The following PRKD1 variants were observed in gnomAD, a reference collection of about 807,000 sequenced individuals.
The protein encoded by PRKD1 is protein kinase D1.
In PRKD1, 63 loss-of-function variants were observed where a neutral mutation model predicts 95.9. The ratio of observed to expected loss-of-function variants is 0.66; its 90% CI spans 0.54 to 0.81. The LOEUF (loss-of-function observed/expected upper bound fraction) is 0.81. Among genes scored for constraint, PRKD1 ranks in the 30% least tolerant of loss-of-function variants. The pLI is 0.00. For missense variants in PRKD1, 1,048 were observed against 1,165.3 expected (o/e 0.90, Z 1.47); for synonymous variants, 425 against 423.1 (o/e 1.00, Z -0.05).
intron 15 of PRKD1, among the ~76,000 whole-genome samples, 180 bp from the exon 16 acceptor site, chr14:29,597,938 T>A (rs757673188): frequency 6.6e-6 from 1 of 152,210 alleles, no homozygotes; most frequent in African/African-American, 2.4e-5. Context: ...GTGGTTTATG[T>A]AGTGATACAA....
At chr14:29,713,288 G>T (rs562469737) in intron 2 of PRKD1, among the ~76,000 whole-genome samples, 8 of 152,120 alleles carry the variant, frequency 5.3e-5, no homozygotes, top group Non-Finnish European at 8.8e-5. Flanking sequence ...GACCTTCATT[G>T]ACCAATCCTG....
intron 2 of PRKD1, among the ~76,000 whole-genome samples, chr14:29,717,329 G>A (rs1020488088): frequency 2.6e-5 from 4 of 152,126 alleles, no homozygotes; most frequent in African/African-American, 9.7e-5. Context: ...CAACCATCTT[G>A]TGAAATGCTT....
intron 1 of PRKD1, among the ~76,000 whole-genome samples, chr14:29,855,018 C>A (rs982028471): frequency 6.6e-6 from 1 of 152,200 alleles, no homozygotes; most frequent in African/African-American, 2.4e-5. Context: ...GATGCCCAGG[C>A]AGAAGTTTGC....
At chr14:29,924,585 C>T (rs1279321309) in intron 1 of PRKD1, among the ~76,000 whole-genome samples, 2 of 152,158 alleles carry the variant, frequency 1.3e-5, no homozygotes, top group Non-Finnish European at 2.9e-5. Context: ...ACATTTAAAA[C>T]AACAGATGTG....
chr14:29,755,014 T>C (rs1887631907), intron 1 of PRKD1, among the ~76,000 whole-genome samples: 1 of 152,140 alleles, frequency 6.6e-6, no homozygotes, highest in Non-Finnish European at 1.5e-5. Flanking sequence ...TTCAATTATG[T>C]TAATTCCTAC....
chr14:29,886,237 T>C (rs1893701687), intron 1 of PRKD1, among the ~76,000 whole-genome samples: 1 of 152,214 alleles, frequency 6.6e-6, no homozygotes, highest in Non-Finnish European at 1.5e-5. Flanking sequence ...ATTAATACTG[T>C]AGAAATCAAC....
At chr14:29,786,218 T>A (rs1359327753) in intron 1 of PRKD1, among the ~76,000 whole-genome samples, 4 of 152,216 alleles carry the variant, frequency 2.6e-5, no homozygotes, top group Admixed American at 6.5e-5. Context: ...GATTATCTTA[T>A]TGATGTGCTG....
At chr14:29,720,520 G>A (rs756019142) in intron 2 of PRKD1, among the ~76,000 whole-genome samples, 11 of 151,926 alleles carry the variant, frequency 7.2e-5, no homozygotes, top group East Asian at 1.9e-4. Flanking sequence ...GGTGGCTCAC[G>A]CCTGTAATCC....
At chr14:29,750,784 T>A (rs551460310) in intron 1 of PRKD1, among the ~76,000 whole-genome samples, 1 of 152,284 alleles carries the variant, frequency 6.6e-6, no homozygotes, top group South Asian at 2.1e-4. Context: ...TCCCTCAAAA[T>A]TACAATGAAA....
chr14:29,582,809 G>A (rs1357704084), intron 16 of PRKD1, among the ~76,000 whole-genome samples: 1 of 152,166 alleles, frequency 6.6e-6, no homozygotes, highest in Admixed American at 6.5e-5. Flanking sequence ...TCAGAATTTA[G>A]ATCTAGAGTG....
At chr14:29,711,503 A>G (rs1885332408) in intron 2 of PRKD1, among the ~76,000 whole-genome samples, 1 of 152,194 alleles carries the variant, frequency 6.6e-6, no homozygotes, top group South Asian at 2.1e-4. Flanking sequence ...AAACCACTAC[A>G]TGTAATATGA....
chr14:29,599,096 A>T lies in PRKD1; in HGVS notation c.2097T>A (p.Phe699Leu). The T allele has an allele frequency of 6.2e-7, 1 of 1,613,802 alleles. No homozygotes were observed. Among genetic ancestry groups the T allele is most frequent in the Non-Finnish European group, 8.5e-7 (1 of 1,179,764 alleles). The change falls in exon 15 of 18, where the codon TTT (phenylalanine) becomes TTA (leucine). Residue 699 changes from phenylalanine (F) to leucine (L), a missense_variant. Coordinates refer to ENST00000331968, the MANE Select transcript of PRKD1 (RefSeq NM_002742.3). Reference sequence around the variant, plus strand: ...TGAGGTCACAGTGAACGATATTTTTAAAATGAAGGTGCCGCAAAGCCACGA... The same window carrying T: ...TGAGGTCACAGTGAACGATATTTTTTAAATGAAGGTGCCGCAAAGCCACGA... Reference protein sequence around the residue: ...QILVALRHLHFKNIVHCDLKP... With the variant: ...QILVALRHLHLKNIVHCDLKP...
chr14:29,826,838 TAC>T lies in PRKD1; in HGVS notation c.264+100409_264+100410del, dbSNP rs1162574324. Reference sequence around the variant, plus strand: ...ACACATATATATATATATATATATATACACACATATATATATATATATATATA... The same window carrying T: ...ACACATATATATATATATATATATATACACATATATATATATATATATATA... On this transcript the variant is annotated intron_variant, in intron 1 of 17. Coordinates refer to ENST00000331968, the MANE Select transcript of PRKD1 (RefSeq NM_002742.3). Among the ~76,000 whole-genome samples, 23 of 17,434 alleles carry T rather than the reference TAC, an allele frequency of 1.3e-3. 7 individuals carry two copies. Among genetic ancestry groups the T allele is most frequent in the Admixed American group, 4.0e-3 (5 of 1,260 alleles). The allele number at this position is 17,434 out of a possible 152,430, so 11.4% of individuals were successfully genotyped here.
chr14:29,782,386 G>A (rs533908386), intron 1 of PRKD1, among the ~76,000 whole-genome samples: 3 of 151,414 alleles, frequency 2.0e-5, no homozygotes, highest in Non-Finnish European at 2.9e-5. Flanking sequence ...AAACCCAAAA[G>A]GTCCTAAAAA....
chr14:29,738,893 G>A (rs893720069), intron 1 of PRKD1, among the ~76,000 whole-genome samples: 7 of 149,180 alleles, frequency 4.7e-5, no homozygotes, highest in Admixed American at 2.0e-4. Context: ...CAGTGATGCC[G>A]CAATCTTGGC....
At chr14:29,668,042 G>A (rs1882622815) in intron 2 of PRKD1, among the ~76,000 whole-genome samples, 3 of 151,120 alleles carry the variant, frequency 2.0e-5, no homozygotes, top group South Asian at 2.1e-4. Flanking sequence ...ATATTCTCCT[G>A]TTAATTTTAG....
At chr14:29,722,951 A>T (rs1484262577) in intron 2 of PRKD1, among the ~76,000 whole-genome samples, 1 of 152,130 alleles carries the variant, frequency 6.6e-6, no homozygotes, top group East Asian at 1.9e-4. Flanking sequence ...AAAGTCAGGG[A>T]ACAGGAATGT....
At chr14:29,802,930 G>A (rs561778542) in intron 1 of PRKD1, among the ~76,000 whole-genome samples, 4 of 152,310 alleles carry the variant, frequency 2.6e-5, no homozygotes, top group South Asian at 2.1e-4. Flanking sequence ...TACTAGCCTG[G>A]ATTTATCTTC....
chr14:29,883,502 T>G (rs913922564), intron 1 of PRKD1, among the ~76,000 whole-genome samples: 3 of 152,166 alleles, frequency 2.0e-5, no homozygotes, highest in Non-Finnish European at 4.4e-5. Context: ...TGACTAACAC[T>G]TTCACTAACA....
Sources: allele counts gnomAD v4.1 joint callset (sites outside exome capture counted in the v4.1 genomes callset), GRCh38; gene constraint gnomAD v4.1.1; transcripts MANE v1.5; gene names NCBI Gene and HGNC (gene_info 2026-07-23, HGNC 2026-07-21).